Variants in GLIS1 observed in about 807,000 individuals in gnomAD.
GLIS1 encodes GLIS family zinc finger 1.
A neutral mutation model predicts 63.8 loss-of-function variants in GLIS1; 24 were observed. The observed-to-expected ratio is 0.38, with a 90% CI of 0.27 to 0.53. The LOEUF is 0.53. Among genes scored for constraint, GLIS1 ranks in the 20% least tolerant of loss-of-function variants. GLIS1 has a pLI of 0.85. For missense variants in GLIS1, 1,036 were observed against 1,074.1 expected (o/e 0.96, Z 0.50); for synonymous variants, 450 against 482.5 (o/e 0.93, Z 0.88).
chr1:53,518,771 C>T (rs537672729), intron 7 of GLIS1, among the ~76,000 whole-genome samples: 2 of 152,172 alleles, frequency 1.3e-5, no homozygotes, highest in African/African-American at 2.4e-5. Context: ...GGGGATTGAA[C>T]GAGAGGATAT....
intron 2 of GLIS1, among the ~76,000 whole-genome samples, chr1:53,705,054 C>A (rs1646564147): frequency 6.6e-6 from 1 of 152,166 alleles, no homozygotes; most frequent in South Asian, 2.1e-4. Flanking sequence ...AGCATTGCGC[C>A]AAAGAGTGAA....
At chr1:53,559,944 A>G (rs1007909273) in intron 4 of GLIS1, among the ~76,000 whole-genome samples, 2 of 152,038 alleles carry the variant, frequency 1.3e-5, no homozygotes, top group Non-Finnish European at 2.9e-5. Context: ...CTCTGCCCAC[A>G]GTGTTCCCTC....
intron 2 of GLIS1, among the ~76,000 whole-genome samples, chr1:53,653,787 A>T (rs1001631371): frequency 1.3e-5 from 2 of 152,106 alleles, no homozygotes; most frequent in African/African-American, 4.8e-5. Context: ...CTGTGACCCC[A>T]GTCACTGGCC....
chr1:53,644,360 ATAT>A (rs891365294), intron 2 of GLIS1, among the ~76,000 whole-genome samples: 1 of 152,234 alleles, frequency 6.6e-6, no homozygotes. Flanking sequence ...CATTAAACAA[ATAT>A]TATTGTTATT....
intron 2 of GLIS1, among the ~76,000 whole-genome samples, chr1:53,650,702 T>G (rs150640327): frequency 1.1e-3 from 173 of 152,286 alleles, no homozygotes; most frequent in Non-Finnish European, 1.9e-3. Context: ...TCCTTTCTTA[T>G]TTCAGCATGG....
chr1:53,685,159 A>C (rs576401888), intron 2 of GLIS1, among the ~76,000 whole-genome samples: 1 of 152,288 alleles, frequency 6.6e-6, no homozygotes, highest in African/African-American at 2.4e-5. Flanking sequence ...AGACAGCAAG[A>C]CGGGTGTCCT....
At position 53,539,823 on chromosome 1, in the gene GLIS1, CCT is replaced by C. The variant is rs1248978134; in HGVS notation, c.1321-9873_1321-9872del. 1.3e-5 allele frequency among the ~76,000 whole-genome samples: 2 copies of C among 152,164 alleles called. No individual in the cohort carries two copies. Among genetic ancestry groups the C allele is most frequent in the African/African-American group, 4.8e-5 (2 of 41,428 alleles). On this transcript the variant is annotated intron_variant, in intron 4 of 10. Transcript: ENST00000628545. The surrounding 1 kb of genome is among the most constrained non-coding windows in gnomAD (Gnocchi z 5.0). ...GGGCTGGGTCCACTGCGCCTCCTGA[CCT>C]CTGAGTGGTGGCTGGCCTGGCCTGG... is the stretch of plus-strand genomic sequence containing the variant.
chr1:53,709,378 A>G (rs1349306531), intron 2 of GLIS1, among the ~76,000 whole-genome samples: 2 of 40,652 alleles, frequency 4.9e-5, no homozygotes, highest in Non-Finnish European at 8.9e-5. Flanking sequence ...ATATATATAC[A>G]TATATACATA....
Position 53,673,504 on chromosome 1 carries a change from C to A in GLIS1, c.259+64302G>T, listed in dbSNP as rs141705247. ...GCAAGTCACCTCCTTCGGAAAGAGT[C>A]CTTTGACACCTACTTCCCCAGTGGC... is the stretch of plus-strand genomic sequence containing the variant. On this transcript the variant is annotated intron_variant, in intron 2 of 10. Transcript: ENST00000628545. 8.2e-3 allele frequency among the ~76,000 whole-genome samples: 1,248 copies of A among 152,330 alleles called. 8 individuals are homozygous for A. The highest frequency in any genetic ancestry group is 0.041 in the Middle Eastern group (12 of 294).
At chr1:53,723,883 C>CTG (rs1308890409) in intron 2 of GLIS1, among the ~76,000 whole-genome samples, 6 of 152,220 alleles carry the variant, frequency 3.9e-5, no homozygotes, top group Non-Finnish European at 8.8e-5. Flanking sequence ...CAATATTCTG[C>CTG]CATTCCCGTT....
intron 4 of GLIS1, among the ~76,000 whole-genome samples, chr1:53,533,626 C>T (rs1476673673): frequency 6.6e-6 from 1 of 152,216 alleles, no homozygotes; most frequent in East Asian, 1.9e-4. Flanking sequence ...GGGCACTGCC[C>T]CATCAGGACT....
chr1:53,567,793 C>T (rs1039526080), intron 4 of GLIS1, among the ~76,000 whole-genome samples: 2 of 152,242 alleles, frequency 1.3e-5, no homozygotes, highest in Non-Finnish European at 2.9e-5. Context: ...GAGGCTTCCA[C>T]GTGGTGTTGG....
chr1:53,568,123 C>T (rs1644952439), intron 4 of GLIS1, among the ~76,000 whole-genome samples: 1 of 152,234 alleles, frequency 6.6e-6, no homozygotes, highest in African/African-American at 2.4e-5. Flanking sequence ...CTGTACTCTG[C>T]AGAGCCACAG....
At chr1:53,653,455 G>A (rs1304734192) in intron 2 of GLIS1, among the ~76,000 whole-genome samples, 4 of 152,062 alleles carry the variant, frequency 2.6e-5, no homozygotes, top group Admixed American at 2.6e-4. Context: ...TCCACTCGCT[G>A]TCTATTTCTC....
At chr1:53,612,258 T>C (rs1365539971) in intron 2 of GLIS1, among the ~76,000 whole-genome samples, 1 of 152,064 alleles carries the variant, frequency 6.6e-6, no homozygotes. Context: ...TTGTTTTTTT[T>C]AGATGGAGTC....
intron 4 of GLIS1, among the ~76,000 whole-genome samples, chr1:53,581,510 G>T (rs1006856263): frequency 1.3e-5 from 2 of 152,174 alleles, no homozygotes; most frequent in Non-Finnish European, 2.9e-5. Context: ...GATACAGAGG[G>T]AACAAAACAA....
intron 2 of GLIS1, among the ~76,000 whole-genome samples, chr1:53,604,943 C>A (rs28367396): frequency 3.3e-5 from 1 of 29,976 alleles, no homozygotes; most frequent in African/African-American, 4.7e-5. Flanking sequence ...TATATATATA[C>A]ATATATATAT....
At chr1:53,514,520 T>C (rs1644329473) in intron 8 of GLIS1, 105 bp downstream of exon 8, 3 of 1,161,114 alleles carry the variant, frequency 2.6e-6, no homozygotes, top group East Asian at 2.5e-5. Context: ...GCTATTTTCA[T>C]TATCAGTAAC....
At chr1:53,608,523 C>A (rs1028634502) in intron 2 of GLIS1, among the ~76,000 whole-genome samples, 1 of 152,154 alleles carries the variant, frequency 6.6e-6, no homozygotes, top group Non-Finnish European at 1.5e-5. Flanking sequence ...TATAGCATCA[C>A]AGATAAGAGT....
Sources: gnomAD v4.1 joint callset for allele counts (sites outside exome capture counted in the v4.1 genomes callset) on GRCh38, gnomAD v4.1.1 for gene constraint, Gnocchi (gnomAD v3.1) non-coding constraint, MANE v1.5 for transcripts, NCBI Gene and HGNC (gene_info 2026-07-23, HGNC 2026-07-21) for gene names.